The following MYPN variants were observed in gnomAD, a reference collection of about 807,000 sequenced individuals.
MYPN encodes myopalladin, also known as sarcomeric protein myopalladin, 145 kDa (MYOP).
A neutral mutation model predicts 129.4 loss-of-function variants in MYPN; 63 were observed. The observed-to-expected ratio is 0.49, with a 90% CI of 0.40 to 0.60. The LOEUF (loss-of-function observed/expected upper bound fraction) is 0.60. Ranked by LOEUF, MYPN falls within the 20% of genes least tolerant of loss-of-function variation. MYPN has a pLI of 0.00. For missense variants in MYPN, 1,596 were observed against 1,635.4 expected, an observed-to-expected ratio of 0.98 and a Z score of 0.42; for synonymous variants, 629 against 600.9, an observed-to-expected ratio of 1.05 and a Z score of -0.68.
intron 12 of MYPN, among the ~76,000 whole-genome samples, chr10:68,177,367 G>A (rs10997978): frequency 0.065 from 9,927 of 152,216 alleles, 401 homozygotes; most frequent in African/African-American, 0.1. Context: ...GAGAATTATT[G>A]CAGTTGGTTA....
chr10:68,140,797 G>C (rs767209260), intron 2 of MYPN, among the ~76,000 whole-genome samples: 5 of 152,220 alleles, frequency 3.3e-5, no homozygotes, highest in Non-Finnish European at 5.9e-5. Context: ...TATAGGATGT[G>C]TGTGGTGGCT....
chr10:68,094,704 C>G lies in MYPN; in HGVS notation c.-2+6712C>G, dbSNP rs374628974. ...ATTAGGCTCCTCTGAAACAATGTCA[C>G]TGGGTCTTAAAGTTTAGCATTTTCA... On this transcript the variant is annotated intron_variant, in intron 1 of 6. Transcript: ENST00000685154. 1.4e-3 allele frequency among the ~76,000 whole-genome samples: 209 copies of G among 152,260 alleles called. 1 individual carries two copies. Among genetic ancestry groups the G allele is most frequent in the African/African-American group, 4.7e-3 (194 of 41,542 alleles).
intron 18 of MYPN, 60 bp downstream of exon 18, chr10:68,202,054 C>G (rs1436182187): frequency 6.3e-7 from 1 of 1,576,518 alleles, no homozygotes; most frequent in Non-Finnish European, 8.7e-7. Context: ...TTGCGCCACC[C>G]AAATAAGTCT....
chr10:68,199,500 G>A lies in MYPN; in HGVS notation c.3418G>A (p.Asp1140Asn), dbSNP rs1328837945. Reference sequence around the variant, plus strand: ...GCTCATTGACCCACTCACTCAGCGCGACGCAGGGACCTATAAGTGCATCGC... The same window carrying A: ...GCTCATTGACCCACTCACTCAGCGCAACGCAGGGACCTATAAGTGCATCGC... ...SLLIDPLTQR[D>N]AGTYKCIATN... Residue 1140 changes from aspartate (D) to asparagine (N), a missense_variant, in exon 17 of 20, where the codon GAC (aspartate) becomes AAC (asparagine). Physicochemically the swap from Asp to Asn is conservative, Grantham distance 23. Coordinates refer to ENST00000358913, the MANE Select transcript of MYPN (RefSeq NM_032578.4). 1.9e-6 allele frequency: 3 copies of A among 1,614,004 alleles called. No individual in the cohort carries two copies. Among genetic ancestry groups the A allele is most frequent in the Admixed American group, 1.7e-5 (1 of 59,992 alleles).
chr10:68,174,045 C>A (rs2043185171), intron 10 of MYPN, 21 bp from the exon 11 acceptor site: 5 of 1,555,430 alleles, frequency 3.2e-6, no homozygotes, highest in Non-Finnish European at 4.4e-6. Flanking sequence ...TTCTCTCTCT[C>A]CACCCTTGTT....
At chr10:68,149,926 A>T in intron 5 of MYPN, 114 bp from the exon 6 acceptor site, 1 of 872,828 alleles carries the variant, frequency 1.1e-6, no homozygotes, top group Non-Finnish European at 1.9e-6. Context: ...AGAATACATC[A>T]GTTTTTTGGT....
intron 12 of MYPN, among the ~76,000 whole-genome samples, chr10:68,183,223 G>A (rs1193417298): frequency 6.6e-6 from 1 of 152,188 alleles, no homozygotes; most frequent in Non-Finnish European, 1.5e-5. Context: ...AACTTTGGGA[G>A]GCTGAGGCGG....
At chr10:68,139,794 C>A (rs1283694522) in intron 2 of MYPN, among the ~76,000 whole-genome samples, 1 of 152,184 alleles carries the variant, frequency 6.6e-6, no homozygotes, top group Non-Finnish European at 1.5e-5. Context: ...TTTCAACAAA[C>A]CCATCAAACA....
intron 7 of MYPN, among the ~76,000 whole-genome samples, chr10:68,160,434 A>AC (rs1012638053): frequency 3.4e-5 from 2 of 59,388 alleles, no homozygotes; most frequent in African/African-American, 7.2e-5. Context: ...TATCTCAAAA[A>AC]AAAAAAAAAA....
chr10:68,143,983 C>G (rs940732769), intron 3 of MYPN, among the ~76,000 whole-genome samples: 12 of 151,978 alleles, frequency 7.9e-5, no homozygotes, highest in Non-Finnish European at 1.0e-4. Context: ...TTGGACTCCT[C>G]ACCTCAAGTG....
intron 2 of MYPN, among the ~76,000 whole-genome samples, chr10:68,124,279 G>A (rs1055122504): frequency 5.9e-5 from 9 of 152,134 alleles, no homozygotes; most frequent in African/African-American, 2.2e-4. Flanking sequence ...GGTTGAAGTG[G>A]ATTACTTTTG....
chr10:68,142,743 C>T (rs776263475), intron 2 of MYPN, among the ~76,000 whole-genome samples, 197 bp from the exon 3 acceptor site: 3 of 152,206 alleles, frequency 2.0e-5, no homozygotes, highest in Non-Finnish European at 4.4e-5. Flanking sequence ...TTTCTAATTT[C>T]CTGAGTGTGG....
At chr10:68,165,855 G>A in intron 9 of MYPN, 37 bp downstream of exon 9, 1 of 1,505,130 alleles carries the variant, frequency 6.6e-7, no homozygotes, top group Non-Finnish European at 9.3e-7. Flanking sequence ...TTTAGCCTAT[G>A]ACTTTGAGTG....
chr10:68,121,503 C>G lies in MYPN; in HGVS notation c.65C>G (p.Ala22Gly), dbSNP rs145142157. 211 of 1,614,178 alleles carry G rather than the reference C, an allele frequency of 1.3e-4. No homozygotes were observed. In the African/African-American group the frequency reaches 2.6e-3, roughly 20 times the overall value. ...ISQLLRESYL[A>G]ETRHRGNNER... is the part of the protein sequence containing the mutation. ...CAGCTTCTAAGAGAGAGCTATTTAG[C>G]TGAAACCAGACATCGGGGAAACAAT... is the stretch of plus-strand genomic sequence containing the variant. Residue 22 changes from alanine to glycine, a missense_variant, in exon 2 of 20, where the codon GCT (alanine) becomes GGT (glycine). Physicochemically the swap from Ala to Gly is moderately conservative, Grantham distance 60. Transcript: ENST00000358913.
At chr10:68,141,620 T>C (rs1265845985) in intron 2 of MYPN, among the ~76,000 whole-genome samples, 5 of 152,240 alleles carry the variant, frequency 3.3e-5, no homozygotes. Context: ...TTATCCATCT[T>C]GTTTCCCTTC....
chr10:68,206,135 T>C (rs1183680214), intron 18 of MYPN, among the ~76,000 whole-genome samples: 4 of 151,918 alleles, frequency 2.6e-5, no homozygotes, highest in Non-Finnish European at 4.4e-5. Flanking sequence ...CCCTATGGTT[T>C]TTGATCCATG....
rs1404204031 is a variant in MYPN, at chr10:68,199,595, C to T, written c.3493+20C>T. On this transcript the variant is annotated intron_variant, in intron 17 of 19. Coordinates refer to ENST00000358913, the MANE Select transcript of MYPN (RefSeq NM_032578.4). ...TAGTAGGTAAGGTTTGCTGCTGGGACCCCTAAACACAACTTCCTCCAAAGT... is the reference window on the plus strand; with the variant it reads ...TAGTAGGTAAGGTTTGCTGCTGGGATCCCTAAACACAACTTCCTCCAAAGT... The T allele has an allele frequency of 6.7e-7, 1 of 1,502,908 alleles. No homozygotes were observed. Among genetic ancestry groups the T allele is most frequent in the Non-Finnish European group, 8.9e-7 (1 of 1,120,640 alleles). 93.1% of individuals were successfully genotyped at this position (1,502,908 alleles called of 1,614,324 possible).
At chr10:68,117,793 A>T (rs3998873) in intron 1 of MYPN, among the ~76,000 whole-genome samples, 50,811 of 150,302 alleles carry the variant, frequency 0.34, 10,426 homozygotes, top group African/African-American at 0.58. Context: ...TAATAATAAT[A>T]ATTATTATTA....
intron 2 of MYPN, among the ~76,000 whole-genome samples, chr10:68,140,498 T>C (rs2042559581): frequency 6.7e-6 from 1 of 149,970 alleles, no homozygotes; most frequent in Non-Finnish European, 1.5e-5. Context: ...TTGCATGACA[T>C]AGTATAGGTT....
Sources: gnomAD v4.1 joint callset for allele counts (sites outside exome capture counted in the v4.1 genomes callset) on GRCh38, gnomAD v4.1.1 for gene constraint, MANE v1.5 for transcripts, NCBI Gene and HGNC (gene_info 2026-07-23, HGNC 2026-07-21) for gene names.